Variants in FAF1 observed in about 807,000 individuals in gnomAD.
FAF1 encodes the protein FAS-associated factor 1.
Under a neutral mutation model 92.5 loss-of-function variants are expected in FAF1, and 25 were observed. The ratio of observed to expected loss-of-function variants is 0.27; its 90% CI spans 0.20 to 0.38. The LOEUF (loss-of-function observed/expected upper bound fraction) is 0.38. FAF1 is among the 10% of genes least tolerant of loss of function. The pLI, the probability that FAF1 is intolerant of heterozygous loss-of-function variation, is 1.00. For missense variants in FAF1, 636 were observed against 793.3 expected, an observed-to-expected ratio of 0.80 and a Z score of 2.38; for synonymous variants, 234 against 273.2, an observed-to-expected ratio of 0.86 and a Z score of 1.42.
chr1:50,598,018 G>A (rs1047838319), intron 8 of FAF1, among the ~76,000 whole-genome samples: 1 of 152,184 alleles, frequency 6.6e-6, no homozygotes, highest in African/African-American at 2.4e-5. Context: ...TCCTGGCTGG[G>A]CGTGGTGGCT....
At chr1:50,531,903 A>T (rs1229853092) in intron 15 of FAF1, among the ~76,000 whole-genome samples, 1 of 152,210 alleles carries the variant, frequency 6.6e-6, no homozygotes, top group African/African-American at 2.4e-5. Flanking sequence ...AATACAATTT[A>T]AAGTTAAATT....
At chr1:50,741,902 C>T (rs1481288840) in intron 5 of FAF1, among the ~76,000 whole-genome samples, 1 of 152,114 alleles carries the variant, frequency 6.6e-6, no homozygotes, top group Non-Finnish European at 1.5e-5. Context: ...AGTCAATTAC[C>T]AGTTTGGATA....
chr1:50,727,646 A>G (rs192421215), intron 6 of FAF1, among the ~76,000 whole-genome samples: 21 of 152,326 alleles, frequency 1.4e-4, no homozygotes, highest in African/African-American at 1.9e-4. Context: ...TGTCAACTTG[A>G]TTGAAAGTAT....
chr1:50,828,259 C>CT (rs61047986), intron 2 of FAF1, among the ~76,000 whole-genome samples: 6,913 of 139,292 alleles, frequency 0.05, 423 homozygotes, highest in African/African-American at 0.15. Context: ...AGGGTCTTTT[C>CT]TTTTTTTTTT....
chr1:50,643,618 A>G (rs1214448028), intron 8 of FAF1, among the ~76,000 whole-genome samples: 1 of 152,200 alleles, frequency 6.6e-6, no homozygotes, highest in African/African-American at 2.4e-5. Flanking sequence ...TTTGAGACAC[A>G]GTCTCACTCT....
At chr1:50,600,744 C>T (rs1214529458) in intron 8 of FAF1, among the ~76,000 whole-genome samples, 7 of 151,764 alleles carry the variant, frequency 4.6e-5, no homozygotes, top group East Asian at 1.9e-4. Flanking sequence ...AAGGAAGACA[C>T]GAAAATCCAG....
chr1:50,800,933 G>A (rs1661966862), intron 3 of FAF1, among the ~76,000 whole-genome samples: 1 of 152,178 alleles, frequency 6.6e-6, no homozygotes, highest in South Asian at 2.1e-4. Flanking sequence ...AAGGGAGAAT[G>A]GTTTTACCTC....
At position 50,906,792 on chromosome 1, in the gene FAF1, G is replaced by A. The variant is rs189532699; in HGVS notation, c.46-48795C>T. On this transcript the variant is annotated intron_variant, in intron 1 of 18. Transcript: ENST00000396153. ...AGGAGATTTTGGGCTGAGACGATGGGGTTTTCTAAATACACAATCATGTCA... is the reference window on the plus strand; with the variant it reads ...AGGAGATTTTGGGCTGAGACGATGGAGTTTTCTAAATACACAATCATGTCA... 5.9e-5 allele frequency among the ~76,000 whole-genome samples: 9 copies of A among 152,176 alleles called. No homozygotes were observed. The East Asian group carries it at 1.7e-3, about 29-fold the overall frequency.
intron 2 of FAF1, among the ~76,000 whole-genome samples, chr1:50,821,460 T>C (rs1190837302): frequency 2.0e-5 from 3 of 152,192 alleles, no homozygotes; most frequent in Admixed American, 2.0e-4. Context: ...CCATTCTTAT[T>C]TCCCATGGGC....
At chr1:50,455,556 C>T (rs139158190) in intron 18 of FAF1, among the ~76,000 whole-genome samples, 176 of 152,182 alleles carry the variant, frequency 1.2e-3, no homozygotes, top group African/African-American at 3.8e-3. Flanking sequence ...TTCTAGTTTT[C>T]GGAAGAGAGT....
At chr1:50,584,019 A>G (rs900558041) in intron 10 of FAF1, among the ~76,000 whole-genome samples, 3 of 152,134 alleles carry the variant, frequency 2.0e-5, no homozygotes, top group African/African-American at 7.2e-5. Flanking sequence ...TAGGATTTCA[A>G]TGTTTTCTTG....
intron 8 of FAF1, among the ~76,000 whole-genome samples, chr1:50,600,667 G>C (rs147676741): frequency 4.6e-5 from 7 of 152,188 alleles, no homozygotes; most frequent in Non-Finnish European, 8.8e-5. Flanking sequence ...CTATAGATCT[G>C]TAGGAGGTCA....
At chr1:50,441,842 G>C (rs1337969921) in intron 18 of FAF1, among the ~76,000 whole-genome samples, 22 of 151,870 alleles carry the variant, frequency 1.4e-4, no homozygotes, top group Admixed American at 1.4e-3. Flanking sequence ...GGCATTCCTA[G>C]AGACCTCTGC....
chr1:50,511,126 T>C (rs916617005), intron 15 of FAF1, among the ~76,000 whole-genome samples: 4 of 152,180 alleles, frequency 2.6e-5, no homozygotes, highest in African/African-American at 7.2e-5. Context: ...GTAACAGCCA[T>C]GGTAGTAGTC....
chr1:50,535,144 A>G (rs145092935), intron 15 of FAF1, among the ~76,000 whole-genome samples: 123 of 152,276 alleles, frequency 8.1e-4, no homozygotes, highest in African/African-American at 2.9e-3. Flanking sequence ...CAAATCTAGC[A>G]AAGTGTAAAT....
chr1:50,710,827 T>A (rs1031818483), intron 6 of FAF1, among the ~76,000 whole-genome samples: 2 of 151,600 alleles, frequency 1.3e-5, no homozygotes, highest in African/African-American at 4.9e-5. Flanking sequence ...TGGTCTCAAT[T>A]TCCTGACCTC....
chr1:50,858,078 A>G (rs1321867924), intron 1 of FAF1, 81 bp from the exon 2 acceptor site: 31 of 936,794 alleles, frequency 3.3e-5, no homozygotes, highest in Non-Finnish European at 3.9e-5. Flanking sequence ...TAAATAGCAT[A>G]ATATGTAATT....
intron 15 of FAF1, among the ~76,000 whole-genome samples, chr1:50,507,077 A>G (rs1342624168): frequency 6.6e-6 from 1 of 152,200 alleles, no homozygotes; most frequent in Admixed American, 6.5e-5. Context: ...TTCCAGGACT[A>G]CTACCTTTTG....
chr1:50,573,259 C>T (rs547095811), intron 12 of FAF1, among the ~76,000 whole-genome samples: 10 of 151,412 alleles, frequency 6.6e-5, no homozygotes, highest in Non-Finnish European at 1.0e-4. Flanking sequence ...CCACCATGCC[C>T]GGCTAATTTT....
Sources: allele counts gnomAD v4.1 joint callset (sites outside exome capture counted in the v4.1 genomes callset), GRCh38; gene constraint gnomAD v4.1.1; transcripts MANE v1.5; gene names NCBI Gene and HGNC (gene_info 2026-07-23, HGNC 2026-07-21).